The following DNAJC18 variants were observed in gnomAD, a reference collection of about 807,000 sequenced individuals.
The protein encoded by DNAJC18 is DnaJ heat shock protein family (Hsp40) member C18.
In DNAJC18, 40 loss-of-function variants were observed where a neutral mutation model predicts 48.6. That is an observed-to-expected ratio of 0.82 (90% CI 0.64 to 1.07). DNAJC18 has a LOEUF of 1.07. Ranked by LOEUF, DNAJC18 falls within the 50% of genes least tolerant of loss-of-function variation. The pLI, the probability that DNAJC18 is intolerant of heterozygous loss-of-function variation, is 0.00. For synonymous variants in DNAJC18, 135 were observed against 152.2 expected (o/e 0.89, Z 0.83); for missense variants, 340 against 427.7 (o/e 0.79, Z 1.81).
chr5:139,435,732 T>TTTTTTTTTTTTTTTTTC (rs1750635055), intron 2 of DNAJC18, among the ~76,000 whole-genome samples: 2 of 128,490 alleles, frequency 1.6e-5, no homozygotes, highest in African/African-American at 6.3e-5. Flanking sequence ...TTTTTTTTTT[T>TTTTTTTTTTTTTTTTTC]CAGACAAGGT....
chr5:139,429,792 T>C (rs1759301265), intron 2 of DNAJC18, among the ~76,000 whole-genome samples: 1 of 152,052 alleles, frequency 6.6e-6, no homozygotes, highest in Non-Finnish European at 1.5e-5. Context: ...CCAGGCATGG[T>C]GCCTTGCATC....
chr5:139,437,346 C>T (rs1192994784), intron 2 of DNAJC18, 26 bp downstream of exon 2: 1 of 1,563,684 alleles, frequency 6.4e-7, no homozygotes, highest in East Asian at 2.3e-5. Context: ...CATAAAATCA[C>T]TCATTTAATC....
At chr5:139,422,840 A>C in intron 5 of DNAJC18, 23 bp from the exon 6 acceptor site, 1 of 1,538,536 alleles carries the variant, frequency 6.5e-7, no homozygotes. Context: ...AAAAAATAAA[A>C]ACTTGCTGTA....
chr5:139,428,815 A>G, intron 2 of DNAJC18, 132 bp from the exon 3 acceptor site: 1 of 1,100,820 alleles, frequency 9.1e-7, no homozygotes, highest in Non-Finnish European at 1.3e-6. Flanking sequence ...GCACACGTTA[A>G]TGAAACATTC....
intron 6 of DNAJC18, 39 bp from the exon 7 acceptor site, chr5:139,420,264 A>G (rs375196921): frequency 5.1e-6 from 8 of 1,569,292 alleles, no homozygotes; most frequent in African/African-American, 1.4e-5. Context: ...AGCTCATAAT[A>G]TTTGGCAATA....
chr5:139,438,099 G>C (rs1750716571), intron 1 of DNAJC18, among the ~76,000 whole-genome samples: 1 of 152,090 alleles, frequency 6.6e-6, no homozygotes, highest in African/African-American at 2.4e-5. Context: ...GGCGGATCAC[G>C]AGGTCAGGAG....
At chr5:139,415,023 A>G (rs1759052101) in intron 7 of DNAJC18, among the ~76,000 whole-genome samples, 1 of 152,156 alleles carries the variant, frequency 6.6e-6, no homozygotes, top group Non-Finnish European at 1.5e-5. Context: ...AGACATATTC[A>G]GGGAGGAATG....
intron 6 of DNAJC18, among the ~76,000 whole-genome samples, chr5:139,421,522 C>G (rs1207248290): frequency 6.6e-6 from 1 of 151,868 alleles, no homozygotes; most frequent in Non-Finnish European, 1.5e-5. Flanking sequence ...AAGGAAAATA[C>G]TAGCCGGGCG....
Position 139,428,524 on chromosome 5 carries a change from G to A in DNAJC18, c.373+14C>T. 1.2e-6 allele frequency: 2 copies of A among 1,607,960 alleles called. No individual in the cohort carries two copies. Among genetic ancestry groups the A allele is most frequent in the Non-Finnish European group, 1.7e-6 (2 of 1,178,266 alleles). On this transcript the variant is annotated intron_variant, in intron 3 of 7. Coordinates refer to ENST00000302060, the MANE Select transcript of DNAJC18 (RefSeq NM_152686.4). ...ATGACAAGGGCACCATTGAGCATTG[G>A]TTCAGGATCAGACCTTTGAAAGCAT...
intron 6 of DNAJC18, among the ~76,000 whole-genome samples, chr5:139,422,434 T>A (rs1759169654): frequency 6.6e-6 from 1 of 152,190 alleles, no homozygotes; most frequent in African/African-American, 2.4e-5. Context: ...AAACCTTAAA[T>A]TCTACTGATC....
intron 7 of DNAJC18, chr5:139,419,003 C>G (rs1052953560): frequency 2.4e-6 from 1 of 411,548 alleles, no homozygotes; most frequent in African/African-American, 2.1e-5. Context: ...AACTTGAGGG[C>G]GGGGTTGGGA....
At position 139,420,049 on chromosome 5, in the gene DNAJC18, T is replaced by C; in HGVS notation, c.952+4A>G. The C allele has an allele frequency of 6.4e-7, 1 of 1,569,384 alleles. No individual in the cohort carries two copies. The highest frequency in any genetic ancestry group is 8.6e-7 in the Non-Finnish European group (1 of 1,162,756). On this transcript the variant is annotated splice_donor_region_variant and intron_variant, in intron 7 of 7. Coordinates refer to ENST00000302060, the MANE Select transcript of DNAJC18 (RefSeq NM_152686.4). Reference sequence around the variant, plus strand: ...CAGCTAATGCCCCTTTTACAGTATCTTACTTTGTTGTTTCTCCTTCCAACA... The same window carrying C: ...CAGCTAATGCCCCTTTTACAGTATCCTACTTTGTTGTTTCTCCTTCCAACA...
chr5:139,426,590 G>A (rs1759247074), intron 3 of DNAJC18, among the ~76,000 whole-genome samples: 1 of 152,154 alleles, frequency 6.6e-6, no homozygotes, highest in East Asian at 1.9e-4. Flanking sequence ...CTGCTGCAGT[G>A]AGTTAACTCC....
intron 2 of DNAJC18, among the ~76,000 whole-genome samples, chr5:139,430,299 A>G (rs1759308929): frequency 6.6e-6 from 1 of 152,254 alleles, no homozygotes; most frequent in Admixed American, 6.5e-5. Context: ...TGTTTATATC[A>G]TTATGACTAC....
At chr5:139,424,783 G>A (rs1759210005) in intron 5 of DNAJC18, among the ~76,000 whole-genome samples, 1 of 134,682 alleles carries the variant, frequency 7.4e-6, no homozygotes, top group Non-Finnish European at 1.6e-5. Flanking sequence ...AGATTGCTGA[G>A]ATTCTGGGAG....
chr5:139,415,238 C>T (rs564233433), intron 7 of DNAJC18, among the ~76,000 whole-genome samples: 53 of 152,076 alleles, frequency 3.5e-4, no homozygotes, highest in African/African-American at 1.2e-3. Flanking sequence ...CTTGGTGGAA[C>T]GAAAGACACC....
intron 5 of DNAJC18, 111 bp from the exon 6 acceptor site, chr5:139,422,928 C>A: frequency 1.8e-6 from 1 of 564,122 alleles, no homozygotes; most frequent in Non-Finnish European, 2.9e-6. Flanking sequence ...CTCCGCCTCT[C>A]GGGTTCACGC....
intron 2 of DNAJC18, among the ~76,000 whole-genome samples, chr5:139,435,078 G>A (rs1176745444): frequency 2.0e-5 from 3 of 151,932 alleles, no homozygotes; most frequent in Non-Finnish European, 2.9e-5. Context: ...AAGAGTGTTG[G>A]GGCTGGGCGC....
At chr5:139,432,310 A>C (rs1416285103) in intron 2 of DNAJC18, among the ~76,000 whole-genome samples, 7 of 151,922 alleles carry the variant, frequency 4.6e-5, no homozygotes, top group African/African-American at 1.7e-4. Flanking sequence ...GATTATAGGC[A>C]CCTGCCACCA....
Sources: allele counts gnomAD v4.1 joint callset (sites outside exome capture counted in the v4.1 genomes callset), GRCh38; gene constraint gnomAD v4.1.1; transcripts MANE v1.5; gene names NCBI Gene and HGNC (gene_info 2026-07-23, HGNC 2026-07-21).